The following WASHC3 variants were observed in gnomAD, a reference collection of about 807,000 sequenced individuals.
The protein encoded by WASHC3 is WASH complex subunit 3, also known as WASH complex subunit CCDC53.
WASHC3 carries 24 observed loss-of-function variants against 26.1 expected under a neutral mutation model. That is an observed-to-expected ratio of 0.92 (90% CI 0.66 to 1.29). WASHC3 has a LOEUF of 1.29. Among genes scored for constraint, WASHC3 ranks in the 50% most tolerant of loss-of-function variants. The pLI, the probability that WASHC3 is intolerant of heterozygous loss-of-function variation, is 0.00. For synonymous variants in WASHC3, 77 were observed against 75.7 expected (o/e 1.02, Z -0.09); for missense variants, 214 against 229.6 (o/e 0.93, Z 0.44).
intron 4 of WASHC3, chr12:102,043,710 G>C (rs978545900): frequency 6.6e-6 from 1 of 152,388 alleles, no homozygotes; most frequent in African/African-American, 2.4e-5. Flanking sequence ...TTCAGCAAGT[G>C]ACCAAAAAAA....
intron 6 of WASHC3, among the ~76,000 whole-genome samples, chr12:102,021,431 C>T (rs1876953966): frequency 6.6e-6 from 1 of 152,170 alleles, no homozygotes; most frequent in South Asian, 2.1e-4. Flanking sequence ...CTGTCACTTG[C>T]TTGCTAGCCA....
chr12:102,013,434 T>C (rs1876567280), intron 6 of WASHC3, among the ~76,000 whole-genome samples: 1 of 152,222 alleles, frequency 6.6e-6, no homozygotes, highest in Non-Finnish European at 1.5e-5. Flanking sequence ...CATAGTGCGC[T>C]ACTTCAGCAC....
At chr12:102,044,906 T>TG (rs1878095165) in intron 3 of WASHC3, among the ~76,000 whole-genome samples, 1 of 152,188 alleles carries the variant, frequency 6.6e-6, no homozygotes, top group Non-Finnish European at 1.5e-5. Context: ...TTCATCCTGA[T>TG]ATCAATGACA....
intron 6 of WASHC3, among the ~76,000 whole-genome samples, chr12:102,019,613 T>A (rs531720578): frequency 1.8e-4 from 27 of 152,258 alleles, no homozygotes; most frequent in African/African-American, 5.1e-4. Flanking sequence ...TTTTTAAAAA[T>A]TTCAATCTTT....
chr12:102,039,743 GAATAGAA>G (rs1169744968), intron 5 of WASHC3, 118 bp downstream of exon 5: 2 of 449,640 alleles, frequency 4.4e-6, no homozygotes, highest in Non-Finnish European at 8.2e-6. Context: ...GGAAGTAAGA[GAATAGAA>G]AACTTGGTTA....
chr12:102,062,011 A>T, upstream of WASHC3: 1 of 1,503,652 alleles, frequency 6.7e-7, no homozygotes, highest in Non-Finnish European at 9.1e-7. Context: ...CCCCTCCCAG[A>T]TGGGGCCCGC....
intron 6 of WASHC3, among the ~76,000 whole-genome samples, chr12:102,025,412 A>G (rs1338422128): frequency 2.0e-5 from 3 of 152,128 alleles, no homozygotes; most frequent in African/African-American, 7.2e-5. Flanking sequence ...AATTCACACA[A>G]TAAGGGATTA....
At chr12:102,038,439 A>G (rs1430326728) in intron 5 of WASHC3, among the ~76,000 whole-genome samples, 1 of 152,196 alleles carries the variant, frequency 6.6e-6, no homozygotes, top group African/African-American at 2.4e-5. Flanking sequence ...GTTATTTTAT[A>G]TAGGTTTGGC....
chr12:102,056,288 T>A (rs963286325), intron 2 of WASHC3, among the ~76,000 whole-genome samples: 1 of 152,232 alleles, frequency 6.6e-6, no homozygotes, highest in Admixed American at 6.5e-5. Context: ...AAGACATTTT[T>A]AAAAGTATCT....
intron 6 of WASHC3, among the ~76,000 whole-genome samples, chr12:102,024,305 T>A (rs2121343967): frequency 6.6e-6 from 1 of 152,092 alleles, no homozygotes; most frequent in South Asian, 2.1e-4. Context: ...TATGAAGAGA[T>A]CCACTCAGGC....
intron 2 of WASHC3, among the ~76,000 whole-genome samples, chr12:102,051,296 G>GA (rs57718576): frequency 0.036 from 5,464 of 152,298 alleles, 401 homozygotes; most frequent in East Asian, 0.3. Context: ...TTTGTTGAGA[G>GA]AAACAGTCAG....
chr12:102,062,012 T>C, upstream of WASHC3: 2 of 1,498,576 alleles, frequency 1.3e-6, no homozygotes, highest in Non-Finnish European at 1.8e-6. Context: ...CCCTCCCAGA[T>C]GGGGCCCGCC....
chr12:102,046,236 T>C, intron 2 of WASHC3, 117 bp from the exon 3 acceptor site: 1 of 605,158 alleles, frequency 1.7e-6, no homozygotes, highest in East Asian at 2.9e-5. Flanking sequence ...TCTAATACAG[T>C]ACTGTCTTAT....
In WASHC3 at chr12:102,061,468, G is replaced by A. The variant is rs1878808919; in HGVS notation, c.52-122C>T. ...TGATATGAATTTCTTGAAGGACTGG[G>A]AATAGTCATTAACTTGTTTCCTAAG... On this transcript the variant is annotated intron_variant, in intron 1 of 6. Coordinates refer to ENST00000240079, the MANE Select transcript of WASHC3 (RefSeq NM_016053.4). 5.8e-6 allele frequency: 4 copies of A among 691,176 alleles called. No homozygotes were observed. In the East Asian group the frequency reaches 8.1e-5, roughly 14 times the overall value. 42.8% of individuals were successfully genotyped at this position (691,176 alleles called of 1,614,324 possible).
chr12:102,050,377 GGAGGCC>G, intron 2 of WASHC3: 1 of 425,468 alleles, frequency 2.4e-6, no homozygotes, highest in Admixed American at 2.5e-5. Flanking sequence ...CCAGCACTTG[GGAGGCC>G]GAGGCCGAGG....
At chr12:102,052,317 C>T (rs1211898552) in intron 2 of WASHC3, among the ~76,000 whole-genome samples, 1 of 152,238 alleles carries the variant, frequency 6.6e-6, no homozygotes, top group Non-Finnish European at 1.5e-5. Context: ...TGGACCACAA[C>T]ACCAGGCCCA....
At chr12:102,024,068 A>C (rs1877070200) in intron 6 of WASHC3, among the ~76,000 whole-genome samples, 1 of 152,150 alleles carries the variant, frequency 6.6e-6, no homozygotes, top group Non-Finnish European at 1.5e-5. Context: ...AGAGAAAGGA[A>C]AACATTTAAC....
At chr12:102,025,685 G>GA (rs771948063) in intron 6 of WASHC3, among the ~76,000 whole-genome samples, 190 of 73,946 alleles carry the variant, frequency 2.6e-3, no homozygotes, top group East Asian at 3.2e-3. Context: ...GCACAAAAAG[G>GA]AAAAAAAAAA....
rs181902573 is a variant in WASHC3, at chr12:102,039,535, T to C, written c.435+333A>G. ...ATTATTTGTGCTAATAATATGGGGA[T>C]TAAGCTAGAGTCAACTGATTTACCA... On this transcript the variant is annotated intron_variant, in intron 5 of 6. Transcript: ENST00000240079. 9.5e-4 allele frequency among the ~76,000 whole-genome samples: 145 copies of C among 152,232 alleles called. 1 individual carries two copies. The highest frequency in any genetic ancestry group is 1.3e-4 in the Admixed American group (2 of 15,290).
Sources: gnomAD v4.1 joint callset for allele counts (sites outside exome capture counted in the v4.1 genomes callset) on GRCh38, gnomAD v4.1.1 for gene constraint, MANE v1.5 for transcripts, NCBI Gene and HGNC (gene_info 2026-07-23, HGNC 2026-07-21) for gene names.